The following KCNMB2 variants were observed in gnomAD, a reference collection of about 807,000 sequenced individuals.
The protein encoded by KCNMB2 is calcium-activated potassium channel subunit beta-2.
A neutral mutation model predicts 24.5 loss-of-function variants in KCNMB2; 9 were observed. The ratio of observed to expected loss-of-function variants is 0.37; its 90% CI spans 0.22 to 0.64. The LOEUF (loss-of-function observed/expected upper bound fraction) is 0.64, where lower values mean the gene tolerates loss of function less well. Among genes scored for constraint, KCNMB2 ranks in the 30% least tolerant of loss-of-function variants. The pLI is 0.63. For synonymous variants in KCNMB2, 109 were observed against 104.4 expected, an observed-to-expected ratio of 1.04 and a Z score of -0.27; for missense variants, 226 against 284.3, an observed-to-expected ratio of 0.79 and a Z score of 1.47.
At chr3:178,829,574 C>T (rs1338901875) in intron 4 of KCNMB2, among the ~76,000 whole-genome samples, 1 of 152,188 alleles carries the variant, frequency 6.6e-6, no homozygotes, top group Non-Finnish European at 1.5e-5. Flanking sequence ...CGCTGTGCTG[C>T]AGTATGTAAA....
intron 1 of KCNMB2, among the ~76,000 whole-genome samples, chr3:178,600,297 T>C (rs889104759): frequency 6.6e-6 from 1 of 152,238 alleles, no homozygotes; most frequent in Non-Finnish European, 1.5e-5. Flanking sequence ...TGCCACATTT[T>C]GTTTATTCAT....
chr3:178,781,729 C>G (rs1415858830), intron 1 of KCNMB2, among the ~76,000 whole-genome samples: 7 of 151,596 alleles, frequency 4.6e-5, no homozygotes, highest in Non-Finnish European at 1.0e-4. Flanking sequence ...GTTTTCTGGC[C>G]TAAATCATTT....
intron 1 of KCNMB2, among the ~76,000 whole-genome samples, chr3:178,539,378 G>A (rs1455388968): frequency 6.6e-6 from 1 of 152,118 alleles, no homozygotes; most frequent in African/African-American, 2.4e-5. Context: ...TCTCAGTGAG[G>A]CGGAATTGGT....
intron 1 of KCNMB2, among the ~76,000 whole-genome samples, chr3:178,595,273 A>G (rs958067062): frequency 2.3e-4 from 35 of 152,022 alleles, no homozygotes; most frequent in African/African-American, 8.2e-4. Context: ...ATTATCCGTG[A>G]TTTAAATTTT....
intron 1 of KCNMB2, among the ~76,000 whole-genome samples, chr3:178,563,791 G>A (rs1716409670): frequency 6.6e-6 from 1 of 152,190 alleles, no homozygotes; most frequent in South Asian, 2.1e-4. Flanking sequence ...CATAGGCGTA[G>A]TGATGAGGAG....
intron 1 of KCNMB2, among the ~76,000 whole-genome samples, chr3:178,613,524 T>C (rs549511709): frequency 6.6e-6 from 1 of 152,344 alleles, no homozygotes; most frequent in South Asian, 2.1e-4. Context: ...AGGTTTGGTA[T>C]TGATGAAATT....
At chr3:178,803,572 A>G (rs1020216958) in intron 1 of KCNMB2, among the ~76,000 whole-genome samples, 3 of 152,154 alleles carry the variant, frequency 2.0e-5, no homozygotes, top group Non-Finnish European at 4.4e-5. Flanking sequence ...TGTGTCCTGG[A>G]TTGTGCTGTA....
intron 1 of KCNMB2, among the ~76,000 whole-genome samples, chr3:178,634,209 T>G (rs1001483888): frequency 3.9e-5 from 6 of 152,210 alleles, no homozygotes; most frequent in Non-Finnish European, 5.9e-5. Flanking sequence ...CACCTCTGTC[T>G]GTTACCCAGT....
chr3:178,830,621 T>C (rs1158020224), intron 4 of KCNMB2, among the ~76,000 whole-genome samples: 1 of 152,166 alleles, frequency 6.6e-6, no homozygotes, highest in African/African-American at 2.4e-5. Flanking sequence ...TTTGCCAACA[T>C]TTGGTAATAT....
intron 1 of KCNMB2, among the ~76,000 whole-genome samples, chr3:178,600,454 A>G (rs550946714): frequency 4.9e-4 from 75 of 152,320 alleles, no homozygotes; most frequent in East Asian, 2.7e-3. Flanking sequence ...ATCATACAAT[A>G]ACTCTGTTTT....
At chr3:178,698,239 G>C (rs1721952018) in intron 1 of KCNMB2, among the ~76,000 whole-genome samples, 1 of 152,090 alleles carries the variant, frequency 6.6e-6, no homozygotes, top group Admixed American at 6.5e-5. Context: ...ACACCAATAA[G>C]TCATAGATTC....
chr3:178,739,102 G>GA lies in KCNMB2; in HGVS notation c.-67-68228dup, dbSNP rs35023195. 3.4e-3 allele frequency among the ~76,000 whole-genome samples: 486 copies of GA among 142,084 alleles called. 1 individual carries two copies. The highest frequency in any genetic ancestry group is 7.3e-3 in the Middle Eastern group (2 of 274). The allele number at this position is 142,084 out of a possible 152,430, so 93.2% of individuals were successfully genotyped here. A position where few individuals can be genotyped will look rare whatever the true frequency, so the allele number is the denominator to read the frequency against. On this transcript the variant is annotated intron_variant, in intron 1 of 4. Coordinates refer to ENST00000452583, the MANE Select transcript of KCNMB2 (RefSeq NM_181361.3). The stretch of plus-strand genomic sequence containing the variant: ...CTTAGAAAAATGTCCCTAAATAACA[G>GA]AAAAAAAAAAAAACATGTATATCAG...
intron 1 of KCNMB2, among the ~76,000 whole-genome samples, chr3:178,547,140 T>G (rs747063658): frequency 6.6e-6 from 1 of 152,192 alleles, no homozygotes; most frequent in African/African-American, 2.4e-5. Flanking sequence ...GGGTCCCTAA[T>G]AAATGGACGA....
At chr3:178,674,785 A>G (rs1168302018) in intron 1 of KCNMB2, among the ~76,000 whole-genome samples, 7 of 151,784 alleles carry the variant, frequency 4.6e-5, no homozygotes, top group African/African-American at 1.5e-4. Context: ...GGCCACCACA[A>G]TCTGAGCTCT....
At chr3:178,800,184 C>G (rs1032134477) in intron 1 of KCNMB2, among the ~76,000 whole-genome samples, 3 of 152,048 alleles carry the variant, frequency 2.0e-5, no homozygotes, top group Non-Finnish European at 4.4e-5. Context: ...AATGGGATCA[C>G]ATCAAGTTAA....
intron 1 of KCNMB2, among the ~76,000 whole-genome samples, chr3:178,712,979 A>G (rs1318508309): frequency 6.6e-6 from 1 of 152,226 alleles, no homozygotes; most frequent in Non-Finnish European, 1.5e-5. Flanking sequence ...GCTGGAAACA[A>G]GAACCCAGGT....
At chr3:178,811,362 G>C (rs189431968) in intron 2 of KCNMB2, among the ~76,000 whole-genome samples, 69 of 151,822 alleles carry the variant, frequency 4.5e-4, no homozygotes, top group Admixed American at 3.9e-3. Context: ...CTGAATTTTG[G>C]GCATATCATT....
intron 1 of KCNMB2, among the ~76,000 whole-genome samples, chr3:178,552,109 T>C (rs961693476): frequency 6.6e-6 from 1 of 152,160 alleles, no homozygotes; most frequent in African/African-American, 2.4e-5. Flanking sequence ...TGGATCAAAA[T>C]CTATCTTAGA....
At chr3:178,626,023 T>C (rs1424153482) in intron 1 of KCNMB2, among the ~76,000 whole-genome samples, 1 of 152,224 alleles carries the variant, frequency 6.6e-6, no homozygotes, top group Non-Finnish European at 1.5e-5. Context: ...TCAGGGAAAC[T>C]ATTTTAATGA....
Sources: gnomAD v4.1 joint callset for allele counts (sites outside exome capture counted in the v4.1 genomes callset) on GRCh38, gnomAD v4.1.1 for gene constraint, MANE v1.5 for transcripts, NCBI Gene and HGNC (gene_info 2026-07-23, HGNC 2026-07-21) for gene names.